DOCK9: variants seen among roughly 807,000 people sequenced by gnomAD.
DOCK9 encodes the protein dedicator of cytokinesis 9.
DOCK9 carries 89 observed loss-of-function variants against 263.3 expected under a neutral mutation model. The ratio of observed to expected loss-of-function variants is 0.34; its 90% CI spans 0.28 to 0.40. The LOEUF is 0.40. Ranked by LOEUF, DOCK9 falls within the 10% of genes least tolerant of loss-of-function variation. The pLI, the probability that DOCK9 is intolerant of heterozygous loss-of-function variation, is 1.00. For missense variants in DOCK9, 2,140 were observed against 2,603.4 expected (o/e 0.82, Z 3.87); for synonymous variants, 976 against 973.1 (o/e 1.00, Z -0.06).
chr13:99,067,013 A>G (rs2041450828), intron 1 of DOCK9, among the ~76,000 whole-genome samples: 1 of 152,234 alleles, frequency 6.6e-6, no homozygotes, highest in African/African-American at 2.4e-5. Flanking sequence ...TCTACTACCC[A>G]GAAGGCTGAC....
At chr13:98,903,869 G>A (rs1253177247) in intron 10 of DOCK9, among the ~76,000 whole-genome samples, 1 of 152,184 alleles carries the variant, frequency 6.6e-6, no homozygotes, top group Non-Finnish European at 1.5e-5. Flanking sequence ...TTAAGTTTAA[G>A]AAGCCAGAAA....
chr13:98,942,439 C>T (rs971576518), intron 2 of DOCK9, among the ~76,000 whole-genome samples: 1 of 151,962 alleles, frequency 6.6e-6, no homozygotes, highest in Non-Finnish European at 1.5e-5. Context: ...GGGGTTTTGC[C>T]GTGTTAGCCA....
At chr13:98,806,888 G>A (rs1402721575) in intron 48 of DOCK9, among the ~76,000 whole-genome samples, 1 of 148,820 alleles carries the variant, frequency 6.7e-6, no homozygotes, top group East Asian at 2.0e-4. Flanking sequence ...CAGCCCAGGT[G>A]ACAGAGCCAG....
At chr13:98,797,339 C>T (rs370986774) in intron 51 of DOCK9, 50 bp downstream of exon 51, 11 of 1,607,682 alleles carry the variant, frequency 6.8e-6, no homozygotes, top group Admixed American at 6.7e-5. Context: ...CGAATGAGTA[C>T]AGAAATGATC....
At chr13:98,802,611 C>A (rs1402051768) in intron 49 of DOCK9, among the ~76,000 whole-genome samples, 1 of 152,300 alleles carries the variant, frequency 6.6e-6, no homozygotes, top group Non-Finnish European at 1.5e-5. Context: ...TCCTCGCCCC[C>A]CTTCTTTGGG....
intron 37 of DOCK9, among the ~76,000 whole-genome samples, chr13:98,847,905 A>G (rs1358791619): frequency 2.0e-5 from 3 of 152,234 alleles, no homozygotes; most frequent in Non-Finnish European, 4.4e-5. Flanking sequence ...CTTGGTAAGG[A>G]CAAGAGGTGC....
chr13:98,916,234 T>C (rs985005281), intron 7 of DOCK9, among the ~76,000 whole-genome samples: 1 of 152,202 alleles, frequency 6.6e-6, no homozygotes, highest in African/African-American at 2.4e-5. Flanking sequence ...GGCTGGTCCA[T>C]GCATTGTACA....
intron 43 of DOCK9, among the ~76,000 whole-genome samples, chr13:98,828,476 G>A (rs1050894357): frequency 6.6e-6 from 1 of 152,144 alleles, no homozygotes; most frequent in Non-Finnish European, 1.5e-5. Context: ...AAACTGTCAC[G>A]TTAATGTGTA....
intron 33 of DOCK9, chr13:98,856,986 T>G (rs2093722949): frequency 6.6e-6 from 1 of 152,206 alleles, no homozygotes; most frequent in Non-Finnish European, 1.5e-5. Flanking sequence ...AAAACAGTAT[T>G]TGAAGGCAGA....
At chr13:98,819,558 A>G (rs1158464558) in intron 45 of DOCK9, among the ~76,000 whole-genome samples, 1 of 152,206 alleles carries the variant, frequency 6.6e-6, no homozygotes, top group Non-Finnish European at 1.5e-5. Flanking sequence ...CCACATTTGC[A>G]AAATGAAGTA....
rs11404800 is a variant in DOCK9, at chr13:98,870,898, CAA to C, written c.2944-2523_2944-2522del. Among the ~76,000 whole-genome samples, 24 of 135,066 alleles carry C rather than the reference CAA, an allele frequency of 1.8e-4. 1 individual carries two copies. The highest frequency in any genetic ancestry group is 1.4e-3 in the South Asian group (6 of 4,278). The allele number at this position is 135,066 out of a possible 152,430, so 88.6% of individuals were successfully genotyped here. A position where few individuals can be genotyped will look rare whatever the true frequency, so the allele number is the denominator to read the frequency against. On this transcript the variant is annotated intron_variant, in intron 27 of 52. Coordinates refer to ENST00000682017, the MANE Select transcript of DOCK9 (RefSeq NM_001366683.2). The stretch of plus-strand genomic sequence containing the variant: ...CCACTTTCTTCAACAAATATGTTGC[CAA>C]AAAAAAAAAAAAAGTCCAAACAGAT...
At chr13:99,051,840 A>G (rs1264372941) in intron 1 of DOCK9, among the ~76,000 whole-genome samples, 2 of 128,450 alleles carry the variant, frequency 1.6e-5, no homozygotes, top group South Asian at 2.7e-4. Flanking sequence ...GCTAAAGAAC[A>G]TGTTCCACTA....
chr13:98,969,993 T>C (rs1167658879), intron 1 of DOCK9, among the ~76,000 whole-genome samples: 1 of 152,150 alleles, frequency 6.6e-6, no homozygotes, highest in East Asian at 1.9e-4. Flanking sequence ...GTTGGCTGTG[T>C]TGTTTTGTGT....
intron 45 of DOCK9, among the ~76,000 whole-genome samples, chr13:98,813,625 A>G (rs1035465232): frequency 2.6e-5 from 4 of 151,916 alleles, no homozygotes; most frequent in Non-Finnish European, 5.9e-5. Context: ...TTACTAATAT[A>G]TATTTTTTTA....
chr13:98,956,247 G>A (rs1215081321), intron 1 of DOCK9, among the ~76,000 whole-genome samples: 1 of 152,150 alleles, frequency 6.6e-6, no homozygotes, highest in Non-Finnish European at 1.5e-5. Flanking sequence ...GGGAAGAAGA[G>A]AATATGGCTT....
chr13:99,010,485 C>T (rs994332683), intron 1 of DOCK9, among the ~76,000 whole-genome samples: 33 of 152,334 alleles, frequency 2.2e-4, no homozygotes, highest in African/African-American at 7.5e-4. Context: ...CATGTGTCAG[C>T]GTCCCCATCA....
chr13:98,927,594 T>A (rs1228576968), intron 3 of DOCK9, among the ~76,000 whole-genome samples: 1 of 151,190 alleles, frequency 6.6e-6, no homozygotes, highest in African/African-American at 2.4e-5. Context: ...ATAAATGCAT[T>A]TATGAATGGA....
chr13:98,968,386 T>C (rs1189818418), intron 1 of DOCK9, among the ~76,000 whole-genome samples: 1 of 152,102 alleles, frequency 6.6e-6, no homozygotes, highest in African/African-American at 2.4e-5. Flanking sequence ...TTTGGGAAGC[T>C]GAGGCAGGGG....
At chr13:98,911,169 T>C (rs2049956859) in intron 9 of DOCK9, among the ~76,000 whole-genome samples, 1 of 152,210 alleles carries the variant, frequency 6.6e-6, no homozygotes, top group Non-Finnish European at 1.5e-5. Flanking sequence ...TCTTCATTCT[T>C]TTCCCCTTCA....
Sources: gnomAD v4.1 joint callset for allele counts (sites outside exome capture counted in the v4.1 genomes callset) on GRCh38, gnomAD v4.1.1 for gene constraint, MANE v1.5 for transcripts, NCBI Gene and HGNC (gene_info 2026-07-23, HGNC 2026-07-21) for gene names.